MYO1C: variants seen among roughly 807,000 people sequenced by gnomAD.
MYO1C encodes myosin IC.
In MYO1C, 104 loss-of-function variants were observed where a neutral mutation model predicts 150.8. The observed-to-expected ratio is 0.69, with a 90% CI of 0.59 to 0.81. The LOEUF is 0.81. Among genes scored for constraint, MYO1C ranks in the 30% least tolerant of loss-of-function variants. The pLI, the probability that MYO1C is intolerant of heterozygous loss-of-function variation, is 0.00. For missense variants in MYO1C, 1,504 were observed against 1,435.0 expected (o/e 1.05, Z -0.78); for synonymous variants, 663 against 579.9 (o/e 1.14, Z -2.06).
intron 1 of MYO1C, chr17:1,491,770 GC>G: frequency 1.9e-6 from 1 of 537,774 alleles, no homozygotes; most frequent in South Asian, 8.0e-5. Flanking sequence ...CCCCGCCTCA[GC>G]CCCGGCCGCG....
At chr17:1,475,379 A>G (rs1038093022) in intron 14 of MYO1C, among the ~76,000 whole-genome samples, 3 of 151,426 alleles carry the variant, frequency 2.0e-5, no homozygotes, top group Non-Finnish European at 4.4e-5. Flanking sequence ...AGATGGTGCC[A>G]CTACACTCCA....
At chr17:1,467,362 A>G (rs751912913) in intron 30 of MYO1C, 21 bp from the exon 31 acceptor site, 1 of 1,607,004 alleles carries the variant, frequency 6.2e-7, no homozygotes, top group Non-Finnish European at 8.5e-7. Context: ...GGGGTGGGTG[A>G]GGGTTTTTCC....
At chr17:1,470,027 A>C in intron 24 of MYO1C, 148 bp downstream of exon 24, 1 of 599,206 alleles carries the variant, frequency 1.7e-6, no homozygotes, top group East Asian at 3.8e-5. Context: ...ACTCCATCTC[A>C]AAAAAAAAAG....
chr17:1,470,592 C>T (rs530667164), intron 22 of MYO1C, 29 bp downstream of exon 22: 1 of 1,606,288 alleles, frequency 6.2e-7, no homozygotes, highest in East Asian at 2.2e-5. Flanking sequence ...CAGACCCCGC[C>T]CCTCCTGAAC....
In MYO1C at chr17:1,484,183, T is replaced by C; in HGVS notation, c.196A>G (p.Asn66Asp). 1 of 1,613,006 alleles carries C rather than the reference T, an allele frequency of 6.2e-7. No homozygotes were observed. Residue 66 changes from asparagine (N) to aspartate (D), a missense_variant, in exon 2 of 32, where the codon AAC becomes GAC. Physicochemically the swap from Asn to Asp is conservative, Grantham distance 23. Coordinates refer to ENST00000648651, the MANE Select transcript of MYO1C (RefSeq NM_001080779.2). ...TTCTCCCGAAATCGCCGCCGCAGGT[T>C]CTCGATGAAGGCGGCCTCGCTGGTG... ...NFTSEAAFIENLRRRFRENLI... is the reference protein window; with the variant it reads ...NFTSEAAFIEDLRRRFRENLI...
chr17:1,487,610 C>T (rs7502117), intron 1 of MYO1C, among the ~76,000 whole-genome samples: 42,250 of 152,014 alleles, frequency 0.28, 6,535 homozygotes, highest in South Asian at 0.38. Flanking sequence ...CGCTGCGGTG[C>T]CCCCAGGTTT....
rs1166226585 is a variant in MYO1C at position 1,470,169 on chromosome 17, A to G, written c.2526+6T>C. 6.2e-7 allele frequency: 1 copy of G among 1,607,368 alleles called. No homozygotes were observed. On this transcript the variant is annotated splice_donor_region_variant and intron_variant, in intron 24 of 31. Coordinates refer to ENST00000648651, the MANE Select transcript of MYO1C (RefSeq NM_001080779.2). ...GTCCCTAACTTGGCAGGGGGTGCCC[A>G]CAGACCTCACGCAGGGCAGGTGGGG...
rs749595946 is a variant in MYO1C at position 1,478,707 on chromosome 17, G to T, written c.1121C>A (p.Ala374Asp). The part of the protein sequence containing the change: ...ELLSPLNLEQ[A>D]AYARDALAKA... ...GGCGAGGGCGTCTCGTGCGTACGCG[G>T]CCTGCTCCAGGTTCAGCGGGCTCAG... is the stretch of plus-strand genomic sequence containing the variant. Residue 374 changes from alanine (A) to aspartate (D), a missense_variant, in exon 10 of 32, where the codon GCC (alanine) becomes GAC (aspartate). Physicochemically the swap from Ala to Asp is moderately radical, Grantham distance 126. Transcript: ENST00000648651. The surrounding 1 kb of genome is among the most constrained non-coding windows in gnomAD (Gnocchi z 6.3). 1.2e-6 allele frequency: 2 copies of T among 1,614,160 alleles called. No homozygotes were observed. The highest frequency in any genetic ancestry group is 2.2e-5 in the South Asian group (2 of 91,086).
In MYO1C at chr17:1,474,928, G is replaced by A. The variant is rs1472822579; in HGVS notation, c.1669+10C>T. The stretch of plus-strand genomic sequence containing the variant: ...AGGCCCCTGTGGGGACACAGCCCCA[G>A]GATCCTCACCGGTCACGCTGTAGGT... On this transcript the variant is annotated intron_variant, in intron 15 of 31. Transcript: ENST00000648651. 3 of 1,607,254 alleles carry A rather than the reference G, an allele frequency of 1.9e-6. No individual in the cohort carries two copies. In the African/African-American group the frequency reaches 4.0e-5, roughly 22 times the overall value.
chr17:1,464,788 GGAT>G lies in MYO1C; in HGVS notation c.*935_*937del, dbSNP rs2074137107. ...CCCACTCCAGCACTGCCTCAAACTG[GGAT>G]GATGAGGACAGTAAAAGGGCGTTCT... On this transcript the variant is annotated 3_prime_UTR_variant, in exon 32 of 32. Coordinates refer to ENST00000648651, the MANE Select transcript of MYO1C (RefSeq NM_001080779.2). 1 of 151,930 alleles carries G rather than the reference GGAT, an allele frequency of 6.6e-6. No individual in the cohort carries two copies. Among genetic ancestry groups the G allele is most frequent in the South Asian group, 2.1e-4 (1 of 4,806 alleles). 9.4% of individuals were successfully genotyped at this position (151,930 alleles called of 1,614,324 possible).
chr17:1,465,323 C>T lies in MYO1C; in HGVS notation c.*403G>A, dbSNP rs534545283. ...CCCAGCCCACACAACCTCTCGGCTA[C>T]ATTCCTTGCCCTGCTGGAGTCAGGG... On this transcript the variant is annotated 3_prime_UTR_variant, in exon 32 of 32. Transcript: ENST00000648651. 1 of 160,038 alleles carries T rather than the reference C, an allele frequency of 6.2e-6. No homozygotes were observed. Among genetic ancestry groups the T allele is most frequent in the African/African-American group, 2.4e-5 (1 of 41,890 alleles). 9.9% of individuals were successfully genotyped at this position (160,038 alleles called of 1,614,324 possible).
chr17:1,480,129 A>G (rs1402667143), intron 7 of MYO1C, among the ~76,000 whole-genome samples: 1 of 99,142 alleles, frequency 1.0e-5, no homozygotes, highest in Admixed American at 1.3e-4. Context: ...TGGGCGAAAG[A>G]GCGAGACTCC....
At chr17:1,480,964 C>T in intron 5 of MYO1C, 79 bp from the exon 6 acceptor site, 1 of 1,528,574 alleles carries the variant, frequency 6.5e-7, no homozygotes, top group Non-Finnish European at 8.9e-7. Flanking sequence ...CCCCTGCACT[C>T]CTGGGCTTTG....
intron 21 of MYO1C, 113 bp downstream of exon 21, chr17:1,470,958 G>A: frequency 8.2e-7 from 1 of 1,214,584 alleles, no homozygotes; most frequent in East Asian, 2.5e-5. Context: ...GCTGGGCGTG[G>A]GGCTGGAGCT....
chr17:1,485,100 C>T, intron 1 of MYO1C: 3 of 1,236,420 alleles, frequency 2.4e-6, no homozygotes, highest in Non-Finnish European at 3.1e-6. Flanking sequence ...TCCTGAGAAG[C>T]CTCAGGGGAT....
chr17:1,482,869 C>T lies in MYO1C; in HGVS notation c.538G>A (p.Val180Met), dbSNP rs2074561385. The T allele has an allele frequency of 6.2e-7, 1 of 1,608,134 alleles. No homozygotes were observed. The highest frequency in any genetic ancestry group is 1.3e-5 in the African/African-American group (1 of 74,262). ...CTCTCCCTGCCCCTCACCTCCAGCA[C>T]CGGGTTGCTCTGTAGCAGCCGGTCC... ...VRDRLLQSNP[V>M]LEAFGNAKTL... The change falls in exon 4 of 32, where the codon GTG becomes ATG. Residue 180 changes from valine to methionine, a missense_variant. Val to Met is a conservative substitution (Grantham distance 21). Transcript: ENST00000648651.
intron 5 of MYO1C, among the ~76,000 whole-genome samples, chr17:1,481,561 T>C (rs1463461322): frequency 1.3e-5 from 2 of 152,034 alleles, no homozygotes; most frequent in Non-Finnish European, 2.9e-5. Flanking sequence ...AGTGCAGTAG[T>C]GCAATCACAG....
chr17:1,470,243 G>T lies in MYO1C; in HGVS notation c.2458C>A (p.Leu820Met). 2 of 1,609,670 alleles carry T rather than the reference G, an allele frequency of 1.2e-6. No homozygotes were observed. The highest frequency in any genetic ancestry group is 1.7e-6 in the Non-Finnish European group (2 of 1,178,526). ...ACATTCTGGGGCAGCTGCCGCCTCA[G>T]GTTTAGCAAAAAAGAGGTGCGCACA... is the stretch of plus-strand genomic sequence containing the variant. ...DHVRTSFLLN[L>M]RRQLPQNVLD... Residue 820 changes from leucine (L) to methionine (M), a missense_variant, in exon 24 of 32, where the codon CTG becomes ATG. Physicochemically the swap from Leu to Met is conservative, Grantham distance 15. Transcript: ENST00000648651.
At chr17:1,474,568 CAGGCGCA>C in intron 17 of MYO1C, 35 bp downstream of exon 17, 1 of 1,596,992 alleles carries the variant, frequency 6.3e-7, no homozygotes, top group Non-Finnish European at 8.6e-7. Context: ...CATGCACACT[CAGGCGCA>C]TGCACCCCTG....
Sources: allele counts gnomAD v4.1 joint callset (sites outside exome capture counted in the v4.1 genomes callset), GRCh38; gene constraint gnomAD v4.1.1; non-coding constraint Gnocchi (gnomAD v3.1); transcripts MANE v1.5; gene names NCBI Gene and HGNC (gene_info 2026-07-23, HGNC 2026-07-21).